Variants in CNTLN observed in about 807,000 individuals in gnomAD.
The protein encoded by CNTLN is centlein, centrosomal protein.
CNTLN carries 212 observed loss-of-function variants against 180.0 expected under a neutral mutation model. The ratio of observed to expected loss-of-function variants is 1.18; its 90% CI spans 1.05 to 1.32. The LOEUF (loss-of-function observed/expected upper bound fraction) is 1.32, where lower values mean the gene tolerates loss of function less well. CNTLN is among the 40% of genes most tolerant of loss of function. CNTLN has a pLI of 0.00. For missense variants in CNTLN, 2,095 were observed against 1,610.9 expected (o/e 1.30, Z -5.14); for synonymous variants, 722 against 563.1 (o/e 1.28, Z -3.99).
At chr9:17,148,811 A>T (rs1224226379) in intron 2 of CNTLN, among the ~76,000 whole-genome samples, 1 of 152,058 alleles carries the variant, frequency 6.6e-6, no homozygotes, top group Non-Finnish European at 1.5e-5. Context: ...TGCCACAATA[A>T]TTTTTTTATT....
At chr9:17,185,858 T>C (rs1821404146) in intron 2 of CNTLN, among the ~76,000 whole-genome samples, 1 of 151,406 alleles carries the variant, frequency 6.6e-6, no homozygotes, top group Non-Finnish European at 1.5e-5. Context: ...AGTGGTGAGC[T>C]CATGCCTTAC....
chr9:17,460,149 A>G (rs1341433788), intron 19 of CNTLN, among the ~76,000 whole-genome samples: 1 of 151,618 alleles, frequency 6.6e-6, no homozygotes, highest in African/African-American at 2.4e-5. Context: ...TCTCTGGTTC[A>G]TTTACAGTTG....
At chr9:17,365,434 T>A (rs893262598) in intron 12 of CNTLN, among the ~76,000 whole-genome samples, 10 of 152,110 alleles carry the variant, frequency 6.6e-5, no homozygotes, top group African/African-American at 1.7e-4. Flanking sequence ...AGGTTTTTTT[T>A]ATAGCAAAGT....
intron 2 of CNTLN, among the ~76,000 whole-genome samples, chr9:17,193,890 A>C (rs1365992264): frequency 6.6e-6 from 1 of 152,188 alleles, no homozygotes; most frequent in Non-Finnish European, 1.5e-5. Flanking sequence ...CATCTTCTGA[A>C]ATCTAGGCGG....
chr9:17,304,125 G>A (rs547521240), intron 7 of CNTLN, among the ~76,000 whole-genome samples: 1 of 152,218 alleles, frequency 6.6e-6, no homozygotes, highest in South Asian at 2.1e-4. Flanking sequence ...TGGGAATTGA[G>A]GAGGGGAGAC....
intron 2 of CNTLN, among the ~76,000 whole-genome samples, chr9:17,208,541 G>T (rs998989254): frequency 8.5e-5 from 13 of 152,228 alleles, no homozygotes; most frequent in Admixed American, 8.5e-4. Flanking sequence ...AATATGATTG[G>T]TATTAGTTCT....
intron 2 of CNTLN, among the ~76,000 whole-genome samples, chr9:17,213,463 T>A (rs1343700930): frequency 6.6e-6 from 1 of 152,108 alleles, no homozygotes; most frequent in Non-Finnish European, 1.5e-5. Context: ...GCTGAGGAGT[T>A]CTGTACTTCC....
chr9:17,210,509 T>A (rs1231343767), intron 2 of CNTLN, among the ~76,000 whole-genome samples: 1 of 152,236 alleles, frequency 6.6e-6, no homozygotes, highest in Non-Finnish European at 1.5e-5. Flanking sequence ...TTGTGAATAT[T>A]GCCGCAGTGA....
intron 18 of CNTLN, among the ~76,000 whole-genome samples, chr9:17,418,591 C>A (rs1409380034): frequency 6.6e-6 from 1 of 151,972 alleles, no homozygotes; most frequent in Non-Finnish European, 1.5e-5. Context: ...TTCAGCCTTT[C>A]TTTTCCTGCC....
chr9:17,358,221 G>T (rs1587761423), intron 12 of CNTLN, among the ~76,000 whole-genome samples: 1 of 151,938 alleles, frequency 6.6e-6, no homozygotes, highest in Admixed American at 6.6e-5. Context: ...CAATCTAAAT[G>T]TCTCTTAGTG....
At chr9:17,461,846 A>G (rs1831466740) in intron 19 of CNTLN, among the ~76,000 whole-genome samples, 1 of 151,724 alleles carries the variant, frequency 6.6e-6, no homozygotes. Flanking sequence ...TAAATACCAA[A>G]AAGACTAAGT....
At chr9:17,486,411 A>G (rs1003744461) in intron 24 of CNTLN, among the ~76,000 whole-genome samples, 1 of 152,088 alleles carries the variant, frequency 6.6e-6, no homozygotes, top group Non-Finnish European at 1.5e-5. Flanking sequence ...AATACATTTC[A>G]ATTCCAGAAA....
At chr9:17,256,875 C>T (rs528639018) in intron 5 of CNTLN, among the ~76,000 whole-genome samples, 4 of 151,694 alleles carry the variant, frequency 2.6e-5, no homozygotes, top group Non-Finnish European at 5.9e-5. Context: ...TGCTTGGTGG[C>T]CTGGAACTTC....
chr9:17,315,834 G>A (rs1819504057), intron 8 of CNTLN, among the ~76,000 whole-genome samples: 1 of 151,958 alleles, frequency 6.6e-6, no homozygotes, highest in African/African-American at 2.4e-5. Flanking sequence ...TTTAGGTCAA[G>A]TTTCTTGATA....
chr9:17,316,826 G>T (rs897656903), intron 8 of CNTLN, among the ~76,000 whole-genome samples: 2 of 151,692 alleles, frequency 1.3e-5, no homozygotes, highest in Non-Finnish European at 1.5e-5. Flanking sequence ...TGCTTACCCT[G>T]GGGGGGATTA....
At chr9:17,419,850 TA>T (rs1828568617) in intron 18 of CNTLN, among the ~76,000 whole-genome samples, 1 of 152,220 alleles carries the variant, frequency 6.6e-6, no homozygotes, top group Non-Finnish European at 1.5e-5. Flanking sequence ...TCCAATAATT[TA>T]AAAAATTGTT....
intron 18 of CNTLN, among the ~76,000 whole-genome samples, chr9:17,450,128 A>G (rs1413027513): frequency 6.6e-6 from 1 of 152,186 alleles, no homozygotes; most frequent in Non-Finnish European, 1.5e-5. Context: ...TCTCTGATAG[A>G]ACCTAATTTG....
chr9:17,175,115 T>A (rs1820642602), intron 2 of CNTLN, among the ~76,000 whole-genome samples: 1 of 152,218 alleles, frequency 6.6e-6, no homozygotes, highest in Admixed American at 6.5e-5. Flanking sequence ...CTTAACAAGG[T>A]CTTTTGTAGA....
At chr9:17,492,497 G>A (rs1833219716) in intron 25 of CNTLN, among the ~76,000 whole-genome samples, 1 of 152,082 alleles carries the variant, frequency 6.6e-6, no homozygotes, top group African/African-American at 2.4e-5. Flanking sequence ...CTTTTATCGA[G>A]TGCTGATAGT....
Sources: gnomAD v4.1 joint callset for allele counts (sites outside exome capture counted in the v4.1 genomes callset) on GRCh38, gnomAD v4.1.1 for gene constraint, MANE v1.5 for transcripts, NCBI Gene and HGNC (gene_info 2026-07-23, HGNC 2026-07-21) for gene names.